Variants in AGBL1 observed in about 807,000 individuals in gnomAD.
The protein encoded by AGBL1 is cytosolic carboxypeptidase 4.
AGBL1 carries 130 observed loss-of-function variants against 118.9 expected under a neutral mutation model. The ratio of observed to expected loss-of-function variants is 1.09; its 90% confidence interval spans 0.95 to 1.26. AGBL1 has a LOEUF of 1.26. Among genes scored for constraint, AGBL1 ranks in the 50% most tolerant of loss-of-function variants. The pLI is 0.00. For missense variants in AGBL1, 1,584 were observed against 1,298.1 expected (o/e 1.22, Z -3.38); for synonymous variants, 555 against 478.9 (o/e 1.16, Z -2.08).
chr15:86,381,050 T>G (rs531076552), intron 17 of AGBL1, among the ~76,000 whole-genome samples: 1 of 152,334 alleles, frequency 6.6e-6, no homozygotes, highest in African/African-American at 2.4e-5. Context: ...TTTTTAGGCC[T>G]GAGGTACTTT....
intron 22 of AGBL1, among the ~76,000 whole-genome samples, chr15:86,885,513 G>A (rs1298793542): frequency 6.6e-6 from 1 of 152,104 alleles, no homozygotes; most frequent in African/African-American, 2.4e-5. Flanking sequence ...TCTATATCAT[G>A]TTATATTTAA....
At chr15:86,147,340 G>T (rs2077046374) in intron 3 of AGBL1, among the ~76,000 whole-genome samples, 1 of 152,216 alleles carries the variant, frequency 6.6e-6, no homozygotes, top group African/African-American at 2.4e-5. Flanking sequence ...CAAGAGGTTG[G>T]GGGATTTCCC....
chr15:86,994,208 A>G (rs1212343351), intron 24 of AGBL1, among the ~76,000 whole-genome samples: 1 of 152,170 alleles, frequency 6.6e-6, no homozygotes, highest in Non-Finnish European at 1.5e-5. Flanking sequence ...AATGATATGG[A>G]TAGCCCAGCC....
rs1396134880 is a variant in AGBL1 at position 86,912,804 on chromosome 15, T to C, written c.*5510T>C. On this transcript the variant is annotated 3_prime_UTR_variant, in exon 23 of 23. Transcript: ENST00000614907. ...TTTGGATTTGCATTAAAATGATGGA[T>C]TTGTTTTGCCTTGCTGGTACAGCTC... The C allele has an allele frequency of 6.6e-6, 1 of 152,168 alleles. No homozygotes were observed. The highest frequency in any genetic ancestry group is 1.5e-5 in the Non-Finnish European group (1 of 68,060). 9.4% of individuals were successfully genotyped at this position (152,168 alleles called of 1,614,324 possible). A position where few individuals can be genotyped will look rare whatever the true frequency, so the allele number is the denominator to read the frequency against.
At chr15:86,258,858 C>A (rs762068516) in intron 9 of AGBL1, among the ~76,000 whole-genome samples, 1 of 152,160 alleles carries the variant, frequency 6.6e-6, no homozygotes, top group Non-Finnish European at 1.5e-5. Context: ...AGATGCCTAC[C>A]ACCACACCCA....
At chr15:87,025,444 G>A (rs1328632521) in intron 24 of AGBL1, among the ~76,000 whole-genome samples, 3 of 151,894 alleles carry the variant, frequency 2.0e-5, no homozygotes, top group African/African-American at 7.2e-5. Flanking sequence ...CCTAACCAAG[G>A]AAGTGAAAGA....
intron 22 of AGBL1, among the ~76,000 whole-genome samples, chr15:86,875,814 G>T (rs1160133704): frequency 6.6e-6 from 1 of 152,180 alleles, no homozygotes; most frequent in African/African-American, 2.4e-5. Flanking sequence ...TAACCATTAA[G>T]AATGGGATAG....
intron 21 of AGBL1, among the ~76,000 whole-genome samples, chr15:86,671,117 T>C (rs1011202839): frequency 6.6e-6 from 1 of 152,184 alleles, no homozygotes; most frequent in African/African-American, 2.4e-5. Context: ...GACCAGCGCA[T>C]AGTAAAGCTG....
At chr15:86,254,590 G>A (rs964446691) in intron 7 of AGBL1, among the ~76,000 whole-genome samples, 4 of 152,234 alleles carry the variant, frequency 2.6e-5, no homozygotes, top group Non-Finnish European at 4.4e-5. Context: ...AGTAGCAGAT[G>A]TGTTATTGAG....
intron 22 of AGBL1, among the ~76,000 whole-genome samples, chr15:86,677,883 G>T (rs1485103789): frequency 6.6e-6 from 1 of 152,146 alleles, no homozygotes; most frequent in African/African-American, 2.4e-5. Context: ...ATGAGAAAAT[G>T]AAATTAGGAA....
intron 17 of AGBL1, among the ~76,000 whole-genome samples, chr15:86,320,001 C>T (rs531873981): frequency 1.4e-4 from 21 of 152,132 alleles, no homozygotes; most frequent in African/African-American, 4.8e-4. Context: ...AGGTGATCCG[C>T]CTGCCTTGGC....
At chr15:86,276,673 T>A (rs1884477387) in intron 15 of AGBL1, among the ~76,000 whole-genome samples, 2 of 152,166 alleles carry the variant, frequency 1.3e-5, no homozygotes, top group African/African-American at 4.8e-5. Context: ...GAGGAAACAC[T>A]TGAGTTAAAT....
chr15:86,827,738 C>G (rs544768757), intron 22 of AGBL1, among the ~76,000 whole-genome samples: 204 of 146,828 alleles, frequency 1.4e-3, no homozygotes, highest in Middle Eastern at 6.9e-3. Context: ...ACTACCACCA[C>G]CAAAGATGTG....
chr15:86,895,747 C>T (rs2080116964), intron 22 of AGBL1, among the ~76,000 whole-genome samples: 2 of 151,834 alleles, frequency 1.3e-5, no homozygotes. Context: ...ACCTAGTTTC[C>T]CTTATTTAAT....
At chr15:86,357,034 C>T (rs1206953952) in intron 17 of AGBL1, among the ~76,000 whole-genome samples, 1 of 152,142 alleles carries the variant, frequency 6.6e-6, no homozygotes, top group East Asian at 1.9e-4. Context: ...ATTGGCACTA[C>T]CAGCGTAGAG....
intron 24 of AGBL1, among the ~76,000 whole-genome samples, chr15:87,021,449 GACAAAAGC>G (rs1181872168): frequency 9.2e-5 from 14 of 152,238 alleles, no homozygotes; most frequent in African/African-American, 3.1e-4. Context: ...AAGATTTCAT[GACAAAAGC>G]ACAAAAGCAA....
At chr15:86,329,016 C>T (rs1032374933) in intron 17 of AGBL1, among the ~76,000 whole-genome samples, 1 of 152,154 alleles carries the variant, frequency 6.6e-6, no homozygotes, top group Non-Finnish European at 1.5e-5. Context: ...GTAGACAGTG[C>T]TTCAGCAGTA....
At chr15:86,543,881 AGG>A (rs2083539789) in intron 19 of AGBL1, among the ~76,000 whole-genome samples, 4 of 152,198 alleles carry the variant, frequency 2.6e-5, no homozygotes, top group Non-Finnish European at 5.9e-5. Flanking sequence ...CAACCATTGT[AGG>A]TAGATGAACA....
intron 24 of AGBL1, among the ~76,000 whole-genome samples, chr15:87,015,047 C>T (rs1293963803): frequency 6.6e-6 from 1 of 152,098 alleles, no homozygotes; most frequent in Admixed American, 6.6e-5. Flanking sequence ...ATGGAACAAA[C>T]AGGTGGAAAA....
Sources: allele counts gnomAD v4.1 joint callset (sites outside exome capture counted in the v4.1 genomes callset), GRCh38; gene constraint gnomAD v4.1.1; transcripts MANE v1.5; gene names NCBI Gene and HGNC (gene_info 2026-07-23, HGNC 2026-07-21).